The following DNAH14 variants were observed in gnomAD, a reference collection of about 807,000 sequenced individuals.
The protein encoded by DNAH14 is dynein axonemal heavy chain 14.
DNAH14 carries 478 observed loss-of-function variants against 520.9 expected under a neutral mutation model. The observed-to-expected ratio is 0.92, with a 90% CI of 0.85 to 0.99. DNAH14 has a LOEUF of 0.99. Among genes scored for constraint, DNAH14 ranks in the 50% least tolerant of loss-of-function variants. DNAH14 has a pLI of 0.00. For synonymous variants in DNAH14, 1,581 were observed against 1,757.2 expected, an observed-to-expected ratio of 0.90 and a Z score of 2.51; for missense variants, 4,831 against 5,234.5, an observed-to-expected ratio of 0.92 and a Z score of 2.38.
chr1:225,262,028 T>A (rs1169525361), intron 46 of DNAH14, among the ~76,000 whole-genome samples: 2 of 152,064 alleles, frequency 1.3e-5, no homozygotes, highest in African/African-American at 4.8e-5. Flanking sequence ...AGCTATAAAC[T>A]ATTTTCCTTC....
chr1:225,174,741 A>G (rs1035512964), intron 36 of DNAH14, among the ~76,000 whole-genome samples: 1 of 152,164 alleles, frequency 6.6e-6, no homozygotes, highest in Non-Finnish European at 1.5e-5. Flanking sequence ...GAGCATCTTC[A>G]TCTTGTCCCA....
At chr1:225,021,857 G>A (rs1223633627) in intron 10 of DNAH14, among the ~76,000 whole-genome samples, 1 of 152,144 alleles carries the variant, frequency 6.6e-6, no homozygotes, top group African/African-American at 2.4e-5. Flanking sequence ...AAAGCTGGAG[G>A]CATCACATTA....
chr1:225,088,870 TTAC>T (rs1047886669), intron 21 of DNAH14, among the ~76,000 whole-genome samples: 1 of 152,128 alleles, frequency 6.6e-6, no homozygotes, highest in Non-Finnish European at 1.5e-5. Flanking sequence ...AATACGCAAA[TTAC>T]TAAAGCTTAC....
intron 47 of DNAH14, 116 bp from the exon 48 acceptor site, chr1:225,265,066 T>TA: frequency 1.3e-6 from 1 of 770,470 alleles, no homozygotes; most frequent in African/African-American, 1.8e-5. Context: ...TTCTTGAAAA[T>TA]GACAACAAAA....
At chr1:225,018,583 C>A (rs549333873) in intron 10 of DNAH14, among the ~76,000 whole-genome samples, 4 of 152,200 alleles carry the variant, frequency 2.6e-5, no homozygotes, top group South Asian at 4.2e-4. Context: ...AGTTAATCAT[C>A]CCCAAGACAC....
At chr1:225,081,797 C>T (rs1235645584) in intron 19 of DNAH14, among the ~76,000 whole-genome samples, 1 of 152,112 alleles carries the variant, frequency 6.6e-6, no homozygotes, top group African/African-American at 2.4e-5. Flanking sequence ...ACCTTCCACT[C>T]CATAGGTTTT....
chr1:225,135,621 T>C (rs549568270), intron 27 of DNAH14, among the ~76,000 whole-genome samples: 1 of 152,326 alleles, frequency 6.6e-6, no homozygotes, highest in South Asian at 2.1e-4. Flanking sequence ...TGTGTGGCTA[T>C]GAGAAGAGTC....
intron 41 of DNAH14, among the ~76,000 whole-genome samples, chr1:225,217,000 C>T (rs571981905): frequency 8.5e-5 from 13 of 152,304 alleles, no homozygotes; most frequent in Admixed American, 2.6e-4. Flanking sequence ...GAATTTTCAG[C>T]TTTTCTGCTC....
rs767587148 is a variant in DNAH14, at chr1:225,117,661, G to T, written c.3868-23G>T. 22 of 1,392,130 alleles carry T rather than the reference G, an allele frequency of 1.6e-5. No homozygotes were observed. In the African/African-American group the frequency reaches 2.6e-4, roughly 16 times the overall value. The allele number at this position is 1,392,130 out of a possible 1,614,324, so 86.2% of individuals were successfully genotyped here. On this transcript the variant is annotated intron_variant, in intron 23 of 85. Coordinates refer to ENST00000682510, the MANE Select transcript of DNAH14 (RefSeq NM_001367479.1). ...CATAATTAAGCATATATTCTGAATT[G>T]CATTTCTTTTGATTCTGGACAGGAT...
chr1:225,014,641 C>G (rs1315830239), intron 10 of DNAH14, among the ~76,000 whole-genome samples: 1 of 152,110 alleles, frequency 6.6e-6, no homozygotes, highest in African/African-American at 2.4e-5. Context: ...ATGTCTAGCT[C>G]TATTCCCCTG....
chr1:225,366,754 CTT>C (rs1191066221), intron 76 of DNAH14, among the ~76,000 whole-genome samples: 1 of 152,130 alleles, frequency 6.6e-6, no homozygotes, highest in Non-Finnish European at 1.5e-5. Context: ...GGTGATAAAA[CTT>C]AGAGCCATTT....
chr1:225,023,760 T>G lies in DNAH14; in HGVS notation c.1253T>G (p.Leu418Arg). Residue 418 changes from leucine to arginine, a missense_variant, in exon 11 of 86, where the codon CTC becomes CGC. Physicochemically the swap from Leu to Arg is moderately radical, Grantham distance 102. Coordinates refer to ENST00000682510, the MANE Select transcript of DNAH14 (RefSeq NM_001367479.1). ...CTGGTTGACTACATATTTCAGGAACTCATTCGTCAACTTATGAACACTGCA... is the reference window on the plus strand; with the variant it reads ...CTGGTTGACTACATATTTCAGGAACGCATTCGTCAACTTATGAACACTGCA... ...VMLVDYIFQE[L>R]IRQLMNTAVT... The G allele has an allele frequency of 6.4e-7, 1 of 1,550,916 alleles. No individual in the cohort carries two copies. The highest frequency in any genetic ancestry group is 2.5e-5 in the East Asian group (1 of 40,784).
At chr1:225,053,137 C>G (rs1482686188) in intron 17 of DNAH14, among the ~76,000 whole-genome samples, 2 of 152,080 alleles carry the variant, frequency 1.3e-5, no homozygotes, top group African/African-American at 2.4e-5. Flanking sequence ...GCAAGACTGA[C>G]TGAGAACAGT....
chr1:225,289,724 T>G (rs1227647114), intron 54 of DNAH14, among the ~76,000 whole-genome samples, 161 bp from the exon 55 acceptor site: 3 of 152,076 alleles, frequency 2.0e-5, no homozygotes, highest in African/African-American at 7.2e-5. Flanking sequence ...TTTGATAAAA[T>G]ATTTAAATTA....
At chr1:225,014,482 G>A (rs2147939102) in intron 10 of DNAH14, among the ~76,000 whole-genome samples, 1 of 151,542 alleles carries the variant, frequency 6.6e-6, no homozygotes, top group East Asian at 1.9e-4. Context: ...CTTTTGCCGT[G>A]TCCTATAGGT....
At chr1:224,952,960 TA>T in intron 2 of DNAH14, 181 bp downstream of exon 2, 1 of 404,534 alleles carries the variant, frequency 2.5e-6, no homozygotes, top group Non-Finnish European at 4.4e-6. Flanking sequence ...ACAGGCAAAT[TA>T]ACCCTGGTTG....
At chr1:225,027,531 G>A (rs2066211727) in intron 11 of DNAH14, among the ~76,000 whole-genome samples, 2 of 152,224 alleles carry the variant, frequency 1.3e-5, no homozygotes, top group South Asian at 4.1e-4. Flanking sequence ...GTCTATACAG[G>A]AAGCATGTCT....
rs143410572 is a variant in DNAH14, at chr1:224,979,464, G to A, written c.830+5311G>A. On this transcript the variant is annotated intron_variant, in intron 8 of 85. Coordinates refer to ENST00000682510, the MANE Select transcript of DNAH14 (RefSeq NM_001367479.1). ...GACCAGTTCTAGCCAGATTGGAATC[G>A]CCCATCCCAGTGGTTGGAACTTGAG... is the stretch of plus-strand genomic sequence containing the variant. 1.6e-4 allele frequency among the ~76,000 whole-genome samples: 25 copies of A among 152,270 alleles called. No homozygotes were observed. The East Asian group carries it at 4.1e-3, about 25-fold the overall frequency.
chr1:225,248,700 C>T (rs1330026858), intron 43 of DNAH14, among the ~76,000 whole-genome samples: 4 of 152,082 alleles, frequency 2.6e-5, no homozygotes, highest in Non-Finnish European at 5.9e-5. Flanking sequence ...GCACTCAGAT[C>T]TCGGGAAGGA....
Sources: allele counts gnomAD v4.1 joint callset (sites outside exome capture counted in the v4.1 genomes callset), GRCh38; gene constraint gnomAD v4.1.1; transcripts MANE v1.5; gene names NCBI Gene and HGNC (gene_info 2026-07-23, HGNC 2026-07-21).